The following TMEM43 variants were observed in gnomAD, a reference collection of about 807,000 sequenced individuals.
TMEM43 encodes the protein transmembrane protein 43.
A neutral mutation model predicts 49.6 loss-of-function variants in TMEM43; 45 were observed. The ratio of observed to expected loss-of-function variants is 0.91; its 90% CI spans 0.71 to 1.16. TMEM43 has a LOEUF of 1.16. TMEM43 is among the 50% of genes most tolerant of loss of function. The pLI, the probability that TMEM43 is intolerant of heterozygous loss-of-function variation, is 0.00. For missense variants in TMEM43, 532 were observed against 516.6 expected (o/e 1.03, Z -0.29); for synonymous variants, 199 against 207.8 (o/e 0.96, Z 0.36).
intron 9 of TMEM43, 115 bp downstream of exon 9, chr3:14,135,347 C>G: frequency 1.2e-6 from 1 of 832,388 alleles, no homozygotes; most frequent in Non-Finnish European, 2.0e-6. Context: ...GGGAAAGGCA[C>G]ACTCTCGCAC....
rs1486702627 is a variant in TMEM43 at position 14,142,571 on chromosome 3, A to AAAAC, written c.*778_*781dup. On this transcript the variant is annotated 3_prime_UTR_variant, in exon 12 of 12. Coordinates refer to ENST00000306077, the MANE Select transcript of TMEM43 (RefSeq NM_024334.3). ...AATAAGATTTAAAAACAAAACAAAA[A>AAAAC]AAACACTTAATATTTCAGACTGTTA... 6 of 152,684 alleles carry AAAAC rather than the reference A, an allele frequency of 3.9e-5. No homozygotes were observed. Among genetic ancestry groups the AAAAC allele is most frequent in the Admixed American group, 3.9e-4 (6 of 15,282 alleles). 9.5% of individuals were successfully genotyped at this position (152,684 alleles called of 1,614,324 possible).
At chr3:14,140,104 T>G (rs1695228103) in intron 11 of TMEM43, among the ~76,000 whole-genome samples, 1 of 152,214 alleles carries the variant, frequency 6.6e-6, no homozygotes, top group Admixed American at 6.5e-5. Flanking sequence ...CATCTTGGGC[T>G]GTCTGAGCTG....
Position 14,135,151 on chromosome 3 carries a change from C to T in TMEM43, c.706-7C>T. 6.2e-7 allele frequency: 1 copy of T among 1,611,376 alleles called. No individual in the cohort carries two copies. Among genetic ancestry groups the T allele is most frequent in the South Asian group, 1.1e-5 (1 of 91,060 alleles). ...CCTCACTCTCCCTGCTTCTCTTCCACCCCCAGGTGGGAGACTTGCGTGTCT... is the reference window on the plus strand; with the variant it reads ...CCTCACTCTCCCTGCTTCTCTTCCATCCCCAGGTGGGAGACTTGCGTGTCT... On this transcript the variant is annotated splice_region_variant and splice_polypyrimidine_tract_variant and intron_variant, in intron 8 of 11. Coordinates refer to ENST00000306077, the MANE Select transcript of TMEM43 (RefSeq NM_024334.3).
intron 7 of TMEM43, among the ~76,000 whole-genome samples, 198 bp from the exon 8 acceptor site, chr3:14,134,572 C>T (rs1159807090): frequency 6.6e-6 from 1 of 152,170 alleles, no homozygotes; most frequent in African/African-American, 2.4e-5. Flanking sequence ...TGGGAGAGGG[C>T]ACAGGGAAAG....
chr3:14,131,066 G>A, intron 3 of TMEM43, 110 bp downstream of exon 3: 1 of 1,389,672 alleles, frequency 7.2e-7, no homozygotes, highest in Non-Finnish European at 9.8e-7. Context: ...ACATGGGAGT[G>A]ATTCCCGACT....
chr3:14,139,185 G>A lies in TMEM43; in HGVS notation c.888G>A (p.Val296=), dbSNP rs763995800. 6.2e-6 allele frequency: 10 copies of A among 1,613,602 alleles called. No individual in the cohort carries two copies. The South Asian group carries it at 1.1e-4, about 18-fold the overall frequency. ...LHHGDFSAEE[V]FHRELRSNSM... ...GCCCCCACCTTGTCCTGCAGGAGGTGTTTCATAGAGAACTAAGGAGCAACT... is the reference window on the plus strand; with the variant it reads ...GCCCCCACCTTGTCCTGCAGGAGGTATTTCATAGAGAACTAAGGAGCAACT... The change falls in exon 11 of 12, where the codon GTG becomes GTA. Residue 296 remains valine (V), a synonymous_variant. Transcript: ENST00000306077.
intron 4 of TMEM43, 60 bp from the exon 5 acceptor site, chr3:14,132,486 G>C (rs763593970): frequency 1.9e-6 from 3 of 1,593,386 alleles, no homozygotes; most frequent in Non-Finnish European, 2.6e-6. Context: ...CAGATGCTTA[G>C]AGATTAGACT....
chr3:14,135,378 T>C (rs1409535796), intron 9 of TMEM43, 146 bp downstream of exon 9: 4 of 742,950 alleles, frequency 5.4e-6, no homozygotes, highest in East Asian at 2.7e-5. Flanking sequence ...CCAGGCACGC[T>C]TCTGAGCAGT....
Position 14,131,653 on chromosome 3 carries a change from G to A in TMEM43, c.371G>A (p.Trp124Ter), listed in dbSNP as rs2124987915. The A allele has an allele frequency of 1.9e-6, 3 of 1,614,050 alleles. No individual in the cohort carries two copies. The highest frequency in any genetic ancestry group is 2.5e-6 in the Non-Finnish European group (3 of 1,179,926). ...KLRRHVEMYQWVETEESREYT... is the reference protein window; with the variant it reads ...KLRRHVEMYQ ...CGGAGGCACGTGGAGATGTACCAAT[G>A]GGTAGAAACTGAGGAGTCCAGGTGA... is the stretch of plus-strand genomic sequence containing the variant. Residue 124 changes from tryptophan (W) to a stop codon, truncating the protein, a stop_gained, in exon 4 of 12, where the codon TGG becomes TAG. Coordinates refer to ENST00000306077, the MANE Select transcript of TMEM43 (RefSeq NM_024334.3). LOFTEE classifies it high-confidence loss of function.
intron 9 of TMEM43, 56 bp from the exon 10 acceptor site, chr3:14,135,751 G>C: frequency 6.7e-7 from 1 of 1,500,128 alleles, no homozygotes; most frequent in Non-Finnish European, 9.2e-7. Flanking sequence ...CATGGCTCTC[G>C]TGGGCGTGTC....
At chr3:14,135,056 G>C (rs1175838134) in intron 8 of TMEM43, 102 bp from the exon 9 acceptor site, 23 of 1,477,568 alleles carry the variant, frequency 1.6e-5, no homozygotes, top group Non-Finnish European at 2.1e-5. Flanking sequence ...CACGGGTGTG[G>C]AGGTGGGAGA....
chr3:14,128,901 C>T (rs1265075922), intron 1 of TMEM43: 2 of 454,094 alleles, frequency 4.4e-6, no homozygotes, highest in Non-Finnish European at 4.4e-6. Flanking sequence ...ACGAATGATT[C>T]AGCACACTGT....
intron 9 of TMEM43, 42 bp from the exon 10 acceptor site, chr3:14,135,765 C>T (rs763137564): frequency 1.8e-5 from 28 of 1,564,762 alleles, no homozygotes; most frequent in East Asian, 4.5e-5. Flanking sequence ...GCGTGTCTCC[C>T]GCTGGTCACC....
At chr3:14,132,619 G>A (rs1253900433) in intron 5 of TMEM43, 24 bp downstream of exon 5, 2 of 1,613,592 alleles carry the variant, frequency 1.2e-6, no homozygotes, top group African/African-American at 2.7e-5. Context: ...CCCTTACGTG[G>A]TCTCTGCCCA....
chr3:14,130,863 C>T lies in TMEM43; in HGVS notation c.204C>T (p.Leu68=), dbSNP rs752403292. 5 of 1,613,830 alleles carry T rather than the reference C, an allele frequency of 3.1e-6. No homozygotes were observed. Among genetic ancestry groups the T allele is most frequent in the South Asian group, 1.1e-5 (1 of 91,012 alleles). ...LKTATSLAEG[L]SLVVSPDSIH... ...CGGCAACCTCATTGGCTGAGGGGCT[C>T]TCGCTTGTGGTGTCTCCCGACAGCA... Residue 68 remains leucine (L), a synonymous_variant, in exon 3 of 12, where the codon CTC becomes CTT. Transcript: ENST00000306077.
At chr3:14,133,061 G>A (rs74553717) in intron 6 of TMEM43, 126 bp downstream of exon 6, 1 of 828,472 alleles carries the variant, frequency 1.2e-6, no homozygotes, top group East Asian at 2.8e-5. Flanking sequence ...GTGGGACATG[G>A]GTTTGAGACC....
chr3:14,135,051 G>C (rs1695149488), intron 8 of TMEM43, 107 bp from the exon 9 acceptor site: 2 of 1,475,938 alleles, frequency 1.4e-6, no homozygotes, highest in African/African-American at 2.8e-5. Context: ...CTGGGCACGG[G>C]TGTGGAGGTG....
intron 3 of TMEM43, 138 bp from the exon 4 acceptor site, chr3:14,131,442 C>A: frequency 1.3e-6 from 1 of 747,964 alleles, no homozygotes; most frequent in Non-Finnish European, 2.4e-6. Flanking sequence ...TTCTCCCCTG[C>A]AAAGCAGTGT....
chr3:14,133,025 TTAA>T, intron 6 of TMEM43, 90 bp downstream of exon 6: 1 of 1,150,278 alleles, frequency 8.7e-7, no homozygotes, highest in South Asian at 1.2e-5. Context: ...CAGGATTGAG[TTAA>T]TCCTGCCTCG....
Sources: allele counts gnomAD v4.1 joint callset (sites outside exome capture counted in the v4.1 genomes callset), GRCh38; gene constraint gnomAD v4.1.1; transcripts MANE v1.5; gene names NCBI Gene and HGNC (gene_info 2026-07-23, HGNC 2026-07-21).